Variants in DEPTOR observed in about 807,000 individuals in gnomAD.
DEPTOR encodes DEP domain containing MTOR interacting protein, also known as DEP domain-containing mTOR-interacting protein.
A neutral mutation model predicts 41.6 loss-of-function variants in DEPTOR; 41 were observed. The ratio of observed to expected loss-of-function variants is 0.98; its 90% confidence interval spans 0.77 to 1.28. The LOEUF (loss-of-function observed/expected upper bound fraction) is 1.28. Among genes scored for constraint, DEPTOR ranks in the 50% most tolerant of loss-of-function variants. The pLI is 0.00. For synonymous variants in DEPTOR, 195 were observed against 192.3 expected (o/e 1.01, Z -0.12); for missense variants, 514 against 527.9 (o/e 0.97, Z 0.26).
At chr8:119,954,583 T>C (rs928534925) in intron 3 of DEPTOR, among the ~76,000 whole-genome samples, 2 of 152,308 alleles carry the variant, frequency 1.3e-5, no homozygotes, top group African/African-American at 4.8e-5. Context: ...CTCCTGTACA[T>C]CATTCACATC....
At chr8:119,889,501 C>T (rs747428105) in intron 1 of DEPTOR, among the ~76,000 whole-genome samples, 6 of 148,100 alleles carry the variant, frequency 4.1e-5, no homozygotes, top group Admixed American at 1.4e-4. Context: ...GAGCCATGTT[C>T]GGGCTACTGC....
intron 3 of DEPTOR, among the ~76,000 whole-genome samples, chr8:119,950,958 A>G (rs1828344634): frequency 6.6e-6 from 1 of 152,146 alleles, no homozygotes; most frequent in Non-Finnish European, 1.5e-5. Flanking sequence ...CTATAACTCC[A>G]GCACTTTGGG....
intron 1 of DEPTOR, among the ~76,000 whole-genome samples, chr8:119,878,142 C>T (rs911177589): frequency 1.3e-5 from 2 of 152,018 alleles, no homozygotes; most frequent in Non-Finnish European, 2.9e-5. Flanking sequence ...ACCCAGGAGG[C>T]GGAGATTGTG....
chr8:119,961,334 TG>T (rs1828488391), intron 3 of DEPTOR, among the ~76,000 whole-genome samples: 1 of 150,752 alleles, frequency 6.6e-6, no homozygotes. Flanking sequence ...GAGAATCGCT[TG>T]AACCTGGGAG....
intron 1 of DEPTOR, among the ~76,000 whole-genome samples, chr8:119,890,299 G>GTTTC (rs148002389): frequency 4.3e-5 from 5 of 117,354 alleles, no homozygotes; most frequent in Admixed American, 8.5e-5. Context: ...TTGTTTGTTT[G>GTTTC]TTGTTGTTGT....
chr8:120,012,771 G>A (rs1037609029), intron 8 of DEPTOR, among the ~76,000 whole-genome samples: 2 of 152,032 alleles, frequency 1.3e-5, no homozygotes, highest in African/African-American at 2.4e-5. Flanking sequence ...TCTTGACCTC[G>A]TGATCCGCCT....
At chr8:119,915,328 TA>T (rs762549892) in intron 1 of DEPTOR, among the ~76,000 whole-genome samples, 90 of 152,346 alleles carry the variant, frequency 5.9e-4, no homozygotes, top group Non-Finnish European at 1.0e-3. Flanking sequence ...TGTCTTTGTC[TA>T]AAATTGTCCC....
At chr8:120,043,918 A>G (rs1440615843) in intron 8 of DEPTOR, among the ~76,000 whole-genome samples, 1 of 151,932 alleles carries the variant, frequency 6.6e-6, no homozygotes, top group Admixed American at 6.6e-5. Context: ...AGGCTGAGGC[A>G]TGAGAATTGT....
intron 1 of DEPTOR, among the ~76,000 whole-genome samples, chr8:119,884,794 A>G (rs917232779): frequency 6.6e-6 from 1 of 150,950 alleles, no homozygotes; most frequent in Non-Finnish European, 1.5e-5. Context: ...CATGATTGCA[A>G]CCTCTGCTCC....
intron 2 of DEPTOR, 60 bp from the exon 3 acceptor site, chr8:119,929,755 A>G: frequency 6.4e-7 from 1 of 1,554,870 alleles, no homozygotes; most frequent in Non-Finnish European, 8.7e-7. Context: ...ACTTCGCTTG[A>G]GTAATTAAAT....
At chr8:119,957,975 A>G (rs1321169803) in intron 3 of DEPTOR, among the ~76,000 whole-genome samples, 10 of 152,138 alleles carry the variant, frequency 6.6e-5, no homozygotes, top group African/African-American at 2.4e-4. Flanking sequence ...GTGTTCATCC[A>G]TCATTCTGTT....
At chr8:120,034,683 C>G (rs1334159691) in intron 8 of DEPTOR, among the ~76,000 whole-genome samples, 6 of 151,978 alleles carry the variant, frequency 3.9e-5, no homozygotes, top group Non-Finnish European at 7.4e-5. Context: ...CTCCCGACCT[C>G]AAGTGATCCA....
intron 3 of DEPTOR, among the ~76,000 whole-genome samples, chr8:119,931,827 G>A (rs1215870871): frequency 6.6e-6 from 1 of 151,968 alleles, no homozygotes; most frequent in African/African-American, 2.4e-5. Context: ...TCTAGCAGGT[G>A]TTAGGTATTT....
At chr8:119,982,167 T>C (rs1288079743) in intron 4 of DEPTOR, among the ~76,000 whole-genome samples, 1 of 152,142 alleles carries the variant, frequency 6.6e-6, no homozygotes, top group East Asian at 1.9e-4. Context: ...TTTATTACTT[T>C]CACTTGCTTT....
intron 4 of DEPTOR, among the ~76,000 whole-genome samples, chr8:119,996,262 A>G (rs1172280985): frequency 1.3e-5 from 2 of 152,208 alleles, no homozygotes; most frequent in Non-Finnish European, 2.9e-5. Flanking sequence ...ATATCCCATA[A>G]AATTGAATTC....
intron 8 of DEPTOR, among the ~76,000 whole-genome samples, chr8:120,043,838 C>T (rs919869149): frequency 4.6e-5 from 7 of 151,840 alleles, no homozygotes; most frequent in Admixed American, 4.6e-4. Flanking sequence ...ATGGTGAAAC[C>T]CCGTCTCTAC....
At chr8:119,894,563 A>T (rs1827491960) in intron 1 of DEPTOR, among the ~76,000 whole-genome samples, 1 of 151,698 alleles carries the variant, frequency 6.6e-6, no homozygotes, top group South Asian at 2.1e-4. Flanking sequence ...TGCCCGGCTA[A>T]TTTTTTGTAT....
chr8:119,951,700 T>C (rs558861187), intron 3 of DEPTOR, among the ~76,000 whole-genome samples: 104 of 152,320 alleles, frequency 6.8e-4, no homozygotes, highest in African/African-American at 2.4e-3. Flanking sequence ...TTTAGTCAGT[T>C]GATTAGAAGA....
chr8:119,999,283 G>T (rs1204477876), intron 4 of DEPTOR, among the ~76,000 whole-genome samples: 1 of 147,920 alleles, frequency 6.8e-6, no homozygotes, highest in African/African-American at 2.5e-5. Context: ...AAAAAAAAAA[G>T]AAAAAAAAAG....
Sources: allele counts gnomAD v4.1 joint callset (sites outside exome capture counted in the v4.1 genomes callset), GRCh38; gene constraint gnomAD v4.1.1; transcripts MANE v1.5; gene names NCBI Gene and HGNC (gene_info 2026-07-23, HGNC 2026-07-21).